RNF170: variants seen among roughly 807,000 people sequenced by gnomAD.
The protein encoded by RNF170 is ring finger protein 170, also known as E3 ubiquitin-protein ligase RNF170.
Under a neutral mutation model 32.7 loss-of-function variants are expected in RNF170, and 12 were observed. That is an observed-to-expected ratio of 0.37 (90% CI 0.24 to 0.60). The LOEUF (loss-of-function observed/expected upper bound fraction) is 0.60, where lower values mean the gene tolerates loss of function less well. Among genes scored for constraint, RNF170 ranks in the 20% least tolerant of loss-of-function variants. The pLI is 0.72. For synonymous variants in RNF170, 91 were observed against 103.6 expected, an observed-to-expected ratio of 0.88 and a Z score of 0.74; for missense variants, 212 against 311.2, an observed-to-expected ratio of 0.68 and a Z score of 2.40.
At chr8:42,897,075 C>T (rs1280487601), upstream of RNF170, 2 of 1,214,918 alleles carry the variant, frequency 1.6e-6, no homozygotes, top group African/African-American at 1.6e-5. Flanking sequence ...GATCCCCCGA[C>T]AGAGCGGCGG....
chr8:42,862,973 G>C (rs947107594), intron 5 of RNF170, among the ~76,000 whole-genome samples: 1 of 152,204 alleles, frequency 6.6e-6, no homozygotes, highest in Non-Finnish European at 1.5e-5. Context: ...TCTTCTGCCT[G>C]GGGTGGTCAG....
At chr8:42,860,944 C>A (rs1030202246) in intron 6 of RNF170, among the ~76,000 whole-genome samples, 8 of 152,266 alleles carry the variant, frequency 5.3e-5, no homozygotes, top group Admixed American at 5.2e-4. Context: ...TCTCGAACTG[C>A]TGACCTCAGG....
intron 2 of RNF170, among the ~76,000 whole-genome samples, chr8:42,876,552 G>A (rs1371643808): frequency 6.6e-6 from 1 of 151,714 alleles, no homozygotes; most frequent in African/African-American, 2.4e-5. Flanking sequence ...CTAGACACCA[G>A]ATCTGACAAC....
intron 6 of RNF170, among the ~76,000 whole-genome samples, chr8:42,857,918 C>A (rs1189214399): frequency 1.3e-5 from 2 of 152,106 alleles, no homozygotes; most frequent in Non-Finnish European, 2.9e-5. Flanking sequence ...ACCTGTAATC[C>A]CAGCTAGTCA....
rs796824473 is a variant in RNF170 at position 42,861,560 on chromosome 8, C to A, written c.507+185G>T. The A allele has an allele frequency of 1.6e-4, 93 of 588,580 alleles. No homozygotes were observed. The African/African-American group carries it at 1.6e-3, about 10-fold the overall frequency. 36.5% of individuals were successfully genotyped at this position (588,580 alleles called of 1,614,324 possible). On this transcript the variant is annotated intron_variant, in intron 6 of 6. Coordinates refer to ENST00000527424, the MANE Select transcript of RNF170 (RefSeq NM_030954.4). Reference sequence around the variant, plus strand: ...GTTTCATCATGTTTCCAAGGCTGGTCTCAAACTCCTGGGCTCAAGTGATCC... The same window carrying A: ...GTTTCATCATGTTTCCAAGGCTGGTATCAAACTCCTGGGCTCAAGTGATCC...
intron 5 of RNF170, among the ~76,000 whole-genome samples, 167 bp downstream of exon 5, chr8:42,865,249 A>T (rs980003710): frequency 4.2e-5 from 6 of 142,274 alleles, no homozygotes; most frequent in East Asian, 1.9e-4. Flanking sequence ...CAAAAAAAAT[A>T]AAAAAAAATA....
chr8:42,887,558 G>A (rs1272543956), intron 2 of RNF170, among the ~76,000 whole-genome samples, 170 bp downstream of exon 2: 2 of 152,138 alleles, frequency 1.3e-5, no homozygotes, highest in South Asian at 2.1e-4. Flanking sequence ...CTGATGACAG[G>A]AAATATATGT....
At chr8:42,890,041 A>T (rs1806163981) in intron 1 of RNF170, among the ~76,000 whole-genome samples, 1 of 152,132 alleles carries the variant, frequency 6.6e-6, no homozygotes, top group African/African-American at 2.4e-5. Context: ...AGTGCTTTGT[A>T]AGTTAAGTCT....
chr8:42,896,507 T>C lies in RNF170; in HGVS notation c.-31A>G. The C allele has an allele frequency of 2.2e-6, 1 of 453,766 alleles. No homozygotes were observed. Among genetic ancestry groups the C allele is most frequent in the South Asian group, 1.6e-5 (1 of 64,474 alleles). 28.1% of individuals were successfully genotyped at this position (453,766 alleles called of 1,614,324 possible). A position where few individuals can be genotyped will look rare whatever the true frequency, so the allele number is the denominator to read the frequency against. ...ACCTCTCCACCGCGAAGGAACTACC[T>C]CGCCAGTTCCCGGCGACAGAGGACA... is the stretch of plus-strand genomic sequence containing the variant. On this transcript the variant is annotated 5_prime_UTR_variant, in exon 1 of 7. Coordinates refer to ENST00000527424, the MANE Select transcript of RNF170 (RefSeq NM_030954.4).
In RNF170 at chr8:42,865,496, G is replaced by GA. The variant is rs1563664782; in HGVS notation, c.323-8dup. 10 of 1,609,638 alleles carry GA rather than the reference G, an allele frequency of 6.2e-6. No individual in the cohort carries two copies. The highest frequency in any genetic ancestry group is 8.5e-6 in the Non-Finnish European group (10 of 1,176,160). ...TAAGCAATAATGCAGGCACCTAATA[G>GA]ACAAAACAAAACAAACACATAACCC... is the stretch of plus-strand genomic sequence containing the variant. On this transcript the variant is annotated splice_region_variant and splice_polypyrimidine_tract_variant and intron_variant, in intron 4 of 6. Transcript: ENST00000527424.
intron 2 of RNF170, among the ~76,000 whole-genome samples, chr8:42,886,149 G>A (rs1446539953): frequency 1.3e-5 from 2 of 151,862 alleles, no homozygotes; most frequent in Non-Finnish European, 2.9e-5. Flanking sequence ...GCGTGAACCC[G>A]GGAAGTGGAG....
At chr8:42,874,351 T>C (rs538921278) in intron 2 of RNF170, among the ~76,000 whole-genome samples, 37 of 152,360 alleles carry the variant, frequency 2.4e-4, no homozygotes, top group African/African-American at 8.4e-4. Flanking sequence ...CCTACTATTA[T>C]GCATTTGAAC....
At chr8:42,877,609 C>T (rs1219254067) in intron 2 of RNF170, among the ~76,000 whole-genome samples, 1 of 152,060 alleles carries the variant, frequency 6.6e-6, no homozygotes, top group Non-Finnish European at 1.5e-5. Flanking sequence ...ACTGAATATC[C>T]ATATTAAAAA....
intron 6 of RNF170, among the ~76,000 whole-genome samples, chr8:42,858,909 G>C (rs1051641324): frequency 4.6e-5 from 7 of 152,220 alleles, no homozygotes; most frequent in Non-Finnish European, 7.3e-5. Flanking sequence ...TGGGCCACAA[G>C]TGGTGGCTCA....
At chr8:42,896,402 T>C (rs746409502) in intron 1 of RNF170, 82 bp downstream of exon 1, 3 of 449,660 alleles carry the variant, frequency 6.7e-6, no homozygotes, top group South Asian at 3.1e-5. Flanking sequence ...CGGCCAGAGC[T>C]ACCCCAAGAA....
chr8:42,868,144 C>T (rs1248310604), intron 4 of RNF170, among the ~76,000 whole-genome samples: 1 of 152,054 alleles, frequency 6.6e-6, no homozygotes, highest in Non-Finnish European at 1.5e-5. Flanking sequence ...AAGTGAAAAC[C>T]TTAAAGAAGA....
intron 5 of RNF170, among the ~76,000 whole-genome samples, chr8:42,862,480 G>A (rs1297240154): frequency 6.6e-6 from 1 of 152,152 alleles, no homozygotes; most frequent in African/African-American, 2.4e-5. Context: ...GTAATCTGAC[G>A]GTGACAGTAC....
At chr8:42,873,071 T>A (rs1804640026) in intron 3 of RNF170, among the ~76,000 whole-genome samples, 1 of 152,036 alleles carries the variant, frequency 6.6e-6, no homozygotes, top group Admixed American at 6.6e-5. Context: ...GCTTTTGTAT[T>A]TTTAGTAGAG....
Sources: allele counts gnomAD v4.1 joint callset (sites outside exome capture counted in the v4.1 genomes callset), GRCh38; gene constraint gnomAD v4.1.1; transcripts MANE v1.5; gene names NCBI Gene and HGNC (gene_info 2026-07-23, HGNC 2026-07-21).